Variants in ANKS1B observed in about 807,000 individuals in gnomAD.
ANKS1B encodes ankyrin repeat and sterile alpha motif domain containing 1B.
Under a neutral mutation model 148.3 loss-of-function variants are expected in ANKS1B, and 36 were observed. That is an observed-to-expected ratio of 0.24 (90% CI 0.19 to 0.32). The LOEUF (loss-of-function observed/expected upper bound fraction) is 0.32, where lower values mean the gene tolerates loss of function less well. Among genes scored for constraint, ANKS1B ranks in the 10% least tolerant of loss-of-function variants. ANKS1B has a pLI of 1.00. For missense variants in ANKS1B, 1,157 were observed against 1,542.6 expected, an observed-to-expected ratio of 0.75 and a Z score of 4.19; for synonymous variants, 542 against 560.8, an observed-to-expected ratio of 0.97 and a Z score of 0.47.
chr12:99,057,665 G>A (rs2040711155), intron 16 of ANKS1B, among the ~76,000 whole-genome samples: 1 of 152,204 alleles, frequency 6.6e-6, no homozygotes, highest in Admixed American at 6.5e-5. Flanking sequence ...TCAACATTAT[G>A]TCTCAGTGTG....
chr12:99,186,775 C>T (rs1045481555), intron 14 of ANKS1B, among the ~76,000 whole-genome samples: 7 of 152,098 alleles, frequency 4.6e-5, no homozygotes, highest in African/African-American at 1.4e-4. Context: ...GGAGATACCA[C>T]TGCAAAAAGG....
At chr12:99,172,298 TC>T (rs1209883353) in intron 14 of ANKS1B, among the ~76,000 whole-genome samples, 2 of 152,184 alleles carry the variant, frequency 1.3e-5, no homozygotes, top group Non-Finnish European at 1.5e-5. Context: ...CTCTTTTCTT[TC>T]CTGAGAACAG....
Position 99,423,156 on chromosome 12 carries a change from A to G in ANKS1B, c.1575+20517T>C, listed in dbSNP as rs553286029. Among the ~76,000 whole-genome samples, 5 of 152,310 alleles carry G rather than the reference A, an allele frequency of 3.3e-5. 1 individual carries two copies. Among genetic ancestry groups the G allele is most frequent in the African/African-American group, 1.2e-4 (5 of 41,566 alleles). ...GCATGCAAGCTAACTGGAGAAATTT[A>G]GGTCTGCTGAGTAGTGTTAAGGGCC... is the stretch of plus-strand genomic sequence containing the variant. On this transcript the variant is annotated intron_variant, in intron 11 of 26. Coordinates refer to ENST00000683438, the MANE Select transcript of ANKS1B (RefSeq NM_001352186.2).
intron 9 of ANKS1B, among the ~76,000 whole-genome samples, chr12:99,605,295 A>G (rs1337413843): frequency 6.6e-6 from 1 of 152,122 alleles, no homozygotes; most frequent in Non-Finnish European, 1.5e-5. Context: ...ATTAGCATAT[A>G]CATTATCCTC....
chr12:99,961,237 CAAA>C (rs2095408803), intron 1 of ANKS1B, among the ~76,000 whole-genome samples: 1 of 25,754 alleles, frequency 3.9e-5, no homozygotes, highest in African/African-American at 4.2e-4. Context: ...TCAAAAAAAA[CAAA>C]ACAAAACAAA....
At chr12:99,193,579 G>T (rs979660163) in intron 14 of ANKS1B, among the ~76,000 whole-genome samples, 1 of 152,008 alleles carries the variant, frequency 6.6e-6, no homozygotes, top group Non-Finnish European at 1.5e-5. Context: ...AATACATTAT[G>T]CATTTTTCTT....
chr12:98,994,729 C>A (rs2099928526), intron 17 of ANKS1B, among the ~76,000 whole-genome samples: 1 of 152,206 alleles, frequency 6.6e-6, no homozygotes. Flanking sequence ...CGGCTGCCTT[C>A]TCCCTGTGTT....
intron 17 of ANKS1B, among the ~76,000 whole-genome samples, chr12:99,006,066 T>C (rs2099935978): frequency 6.6e-6 from 1 of 152,200 alleles, no homozygotes; most frequent in East Asian, 1.9e-4. Context: ...AATTAGAAGT[T>C]CATGTATTTT....
intron 25 of ANKS1B, among the ~76,000 whole-genome samples, chr12:98,760,740 A>AAT (rs1268571815): frequency 6.6e-6 from 1 of 152,218 alleles, no homozygotes; most frequent in Non-Finnish European, 1.5e-5. Context: ...CTGCAACCCT[A>AAT]ATACTTCTAC....
chr12:99,271,891 T>C (rs2077092245), intron 12 of ANKS1B, among the ~76,000 whole-genome samples: 1 of 151,902 alleles, frequency 6.6e-6, no homozygotes, highest in Admixed American at 6.6e-5. Flanking sequence ...TCATCAGAGA[T>C]GGTACCACAG....
In ANKS1B at chr12:99,288,303, T is replaced by A. The variant is rs1298288434; in HGVS notation, c.1757-41439A>T. 4.6e-5 allele frequency among the ~76,000 whole-genome samples: 7 copies of A among 152,022 alleles called. No homozygotes were observed. In the East Asian group the frequency reaches 1.3e-3, roughly 29 times the overall value. ...GACTGAAAATGCTTTTATCCTAGAA[T>A]AACATAGGTGAAAATATCCTTCAAA... is the stretch of plus-strand genomic sequence containing the variant. On this transcript the variant is annotated intron_variant, in intron 12 of 26. Coordinates refer to ENST00000683438, the MANE Select transcript of ANKS1B (RefSeq NM_001352186.2).
At chr12:98,869,495 G>A (rs2152349537) in intron 17 of ANKS1B, among the ~76,000 whole-genome samples, 2 of 152,274 alleles carry the variant, frequency 1.3e-5, no homozygotes, top group South Asian at 4.2e-4. Context: ...AGATATGCCT[G>A]AGGCCTGTCA....
intron 17 of ANKS1B, chr12:99,048,645 T>A (rs1410517657): frequency 6.6e-6 from 1 of 152,540 alleles, no homozygotes; most frequent in Non-Finnish European, 1.5e-5. Context: ...TGCTGAAAGG[T>A]AGTAGAAATA....
At chr12:99,178,641 C>T (rs770486274) in intron 14 of ANKS1B, among the ~76,000 whole-genome samples, 8 of 152,050 alleles carry the variant, frequency 5.3e-5, no homozygotes, top group Non-Finnish European at 8.8e-5. Flanking sequence ...ATGTTTGTTC[C>T]CTATTGTTAT....
At chr12:98,871,572 A>C (rs1044840751) in intron 17 of ANKS1B, among the ~76,000 whole-genome samples, 3 of 152,232 alleles carry the variant, frequency 2.0e-5, no homozygotes, top group Admixed American at 6.5e-5. Flanking sequence ...CTACCAAAGA[A>C]GATACTAGAA....
chr12:99,239,655 G>C (rs1171820259), intron 14 of ANKS1B, among the ~76,000 whole-genome samples: 1 of 152,256 alleles, frequency 6.6e-6, no homozygotes, highest in East Asian at 1.9e-4. Flanking sequence ...AAATGTTAAG[G>C]GCAGCCAGAG....
chr12:99,266,731 A>G (rs903643092), intron 12 of ANKS1B, among the ~76,000 whole-genome samples: 3 of 152,134 alleles, frequency 2.0e-5, no homozygotes, highest in African/African-American at 7.2e-5. Context: ...GAAACCCATT[A>G]ATCTCTGGTA....
chr12:99,367,261 T>C (rs897603564), intron 12 of ANKS1B, among the ~76,000 whole-genome samples: 1 of 152,104 alleles, frequency 6.6e-6, no homozygotes, highest in Non-Finnish European at 1.5e-5. Flanking sequence ...GCAAAAGACG[T>C]GGGCATTTCA....
intron 15 of ANKS1B, among the ~76,000 whole-genome samples, chr12:99,105,638 G>A (rs539223996): frequency 1.4e-3 from 217 of 151,476 alleles, no homozygotes; most frequent in African/African-American, 4.9e-3. Context: ...GCGTTGTGGC[G>A]GGTGCCTGTA....
Sources: gnomAD v4.1 joint callset for allele counts (sites outside exome capture counted in the v4.1 genomes callset) on GRCh38, gnomAD v4.1.1 for gene constraint, MANE v1.5 for transcripts, NCBI Gene and HGNC (gene_info 2026-07-23, HGNC 2026-07-21) for gene names.